The following DPP10 variants were observed in gnomAD, a reference collection of about 807,000 sequenced individuals.
DPP10 encodes the protein dipeptidyl peptidase like 10.
A neutral mutation model predicts 120.9 loss-of-function variants in DPP10; 33 were observed. That is an observed-to-expected ratio of 0.27 (90% CI 0.21 to 0.37). The LOEUF (loss-of-function observed/expected upper bound fraction) is 0.37, where lower values mean the gene tolerates loss of function less well. Among genes scored for constraint, DPP10 ranks in the 10% least tolerant of loss-of-function variants. DPP10 has a pLI of 1.00. For synonymous variants in DPP10, 337 were observed against 326.1 expected (o/e 1.03, Z -0.36); for missense variants, 816 against 942.8 (o/e 0.87, Z 1.76).
intron 1 of DPP10, among the ~76,000 whole-genome samples, chr2:114,738,545 G>A (rs745923089): frequency 6.6e-6 from 1 of 152,154 alleles, no homozygotes; most frequent in Non-Finnish European, 1.5e-5. Context: ...GCCTGTGTGG[G>A]GAGCACTAGC....
At chr2:115,073,408 G>T (rs1428360095) in intron 1 of DPP10, among the ~76,000 whole-genome samples, 1 of 152,210 alleles carries the variant, frequency 6.6e-6, no homozygotes, top group Admixed American at 6.5e-5. Flanking sequence ...CTGTCGCTAG[G>T]CGCAGGGGGT....
intron 1 of DPP10, among the ~76,000 whole-genome samples, chr2:115,019,097 C>A (rs1157017892): frequency 5.3e-5 from 8 of 151,728 alleles, no homozygotes. Context: ...TGCCACTCAG[C>A]TTCACCGACA....
chr2:115,508,422 A>T (rs1217249079), intron 4 of DPP10, among the ~76,000 whole-genome samples: 4 of 152,212 alleles, frequency 2.6e-5, no homozygotes, highest in Non-Finnish European at 5.9e-5. Flanking sequence ...GTATTAAGGG[A>T]GATATGCACT....
At chr2:115,095,587 T>G (rs923707790) in intron 1 of DPP10, among the ~76,000 whole-genome samples, 5 of 127,616 alleles carry the variant, frequency 3.9e-5, no homozygotes, top group African/African-American at 1.4e-4. Flanking sequence ...TTTTTTTTGT[T>G]TTTTTTTTTT....
chr2:115,358,197 A>G (rs2064533006), intron 3 of DPP10, among the ~76,000 whole-genome samples: 1 of 152,114 alleles, frequency 6.6e-6, no homozygotes, highest in South Asian at 2.1e-4. Context: ...TCAGGCTACA[A>G]ATTCCCAGGC....
chr2:114,852,846 A>G (rs1689070678), intron 1 of DPP10, among the ~76,000 whole-genome samples: 1 of 152,200 alleles, frequency 6.6e-6, no homozygotes, highest in African/African-American at 2.4e-5. Flanking sequence ...AATATTCTTT[A>G]TCTGGAAAGC....
At chr2:115,110,282 A>T (rs973469585) in intron 1 of DPP10, among the ~76,000 whole-genome samples, 1 of 152,176 alleles carries the variant, frequency 6.6e-6, no homozygotes, top group Non-Finnish European at 1.5e-5. Context: ...TACCACCAGG[A>T]TCAGTTTTAT....
At chr2:114,925,045 A>G (rs1028445729) in intron 1 of DPP10, among the ~76,000 whole-genome samples, 6 of 152,064 alleles carry the variant, frequency 3.9e-5, no homozygotes, top group African/African-American at 1.2e-4. Context: ...CCCCGTCTCT[A>G]CTAAAAATAC....
chr2:115,476,100 C>A lies in DPP10; in HGVS notation c.272-23410C>A, dbSNP rs992714970. Among the ~76,000 whole-genome samples, 3 of 151,964 alleles carry A rather than the reference C, an allele frequency of 2.0e-5. No individual in the cohort carries two copies. The South Asian group carries it at 6.2e-4, about 32-fold the overall frequency. On this transcript the variant is annotated intron_variant, in intron 3 of 25. Transcript: ENST00000410059. ...GAGAGCCATGAGATTTGGAAGGTGC[C>A]AGGGGTTGAATAATATGGCTTGGAT...
intron 14 of DPP10, 24 bp downstream of exon 14, chr2:115,777,323 C>T (rs769110282): frequency 1.3e-6 from 2 of 1,593,866 alleles, no homozygotes; most frequent in Non-Finnish European, 1.7e-6. Context: ...GTTCTCTAGT[C>T]AGGCTGCAAG....
intron 1 of DPP10, among the ~76,000 whole-genome samples, chr2:115,164,221 A>G (rs576462656): frequency 1.2e-4 from 19 of 152,290 alleles, no homozygotes; most frequent in African/African-American, 3.1e-4. Context: ...GGAAATACTC[A>G]TATCTAGCAT....
chr2:115,275,419 G>A lies in DPP10; in HGVS notation c.61-33820G>A, dbSNP rs570834259. Among the ~76,000 whole-genome samples the A allele has an allele frequency of 3.3e-3, 495 of 151,986 alleles. 2 individuals are homozygous for A. Among genetic ancestry groups the A allele is most frequent in the Non-Finnish European group, 5.4e-3 (369 of 67,988 alleles). On this transcript the variant is annotated intron_variant, in intron 1 of 25. Transcript: ENST00000410059. ...TACTATGCATTCAGCACATGATTAG[G>A]GTGCATAATCTCATATGCACGTTGC...
At chr2:114,642,754 T>C (rs1464075192) in intron 1 of DPP10, among the ~76,000 whole-genome samples, 1 of 151,900 alleles carries the variant, frequency 6.6e-6, no homozygotes, top group Non-Finnish European at 1.5e-5. Flanking sequence ...TCAGAGTGTT[T>C]CTTAACAACT....
intron 1 of DPP10, among the ~76,000 whole-genome samples, chr2:115,231,932 T>G (rs2057753791): frequency 6.6e-6 from 1 of 152,142 alleles, no homozygotes; most frequent in Non-Finnish European, 1.5e-5. Context: ...GGCCTGTGGA[T>G]TTGCACCAAC....
chr2:115,054,186 A>T (rs1307691355), intron 1 of DPP10, among the ~76,000 whole-genome samples: 1 of 152,168 alleles, frequency 6.6e-6, no homozygotes, highest in African/African-American at 2.4e-5. Context: ...GCTTTACTTT[A>T]TGTAATATGA....
intron 7 of DPP10, among the ~76,000 whole-genome samples, chr2:115,702,956 CT>C (rs1163800222): frequency 6.6e-6 from 1 of 151,870 alleles, no homozygotes; most frequent in African/African-American, 2.4e-5. Context: ...TGTCATTTTT[CT>C]TTTTAAACAA....
chr2:115,694,634 T>C (rs1054794209), intron 7 of DPP10, among the ~76,000 whole-genome samples: 2 of 152,192 alleles, frequency 1.3e-5, no homozygotes, highest in African/African-American at 2.4e-5. Flanking sequence ...CTGGGAATTA[T>C]GGTAGAAAGA....
intron 1 of DPP10, among the ~76,000 whole-genome samples, chr2:114,942,733 C>T (rs1430624116): frequency 6.6e-6 from 1 of 151,854 alleles, no homozygotes; most frequent in East Asian, 1.9e-4. Context: ...TATTAGTGAC[C>T]ATTATACCTT....
intron 1 of DPP10, among the ~76,000 whole-genome samples, chr2:114,903,718 G>A (rs1693764705): frequency 6.6e-6 from 1 of 152,116 alleles, no homozygotes; most frequent in Non-Finnish European, 1.5e-5. Context: ...GGTGTCTTTG[G>A]GAGGTTATTA....
Sources: gnomAD v4.1 joint callset for allele counts (sites outside exome capture counted in the v4.1 genomes callset) on GRCh38, gnomAD v4.1.1 for gene constraint, MANE v1.5 for transcripts, NCBI Gene and HGNC (gene_info 2026-07-23, HGNC 2026-07-21) for gene names.